CHN2: variants seen among roughly 807,000 people sequenced by gnomAD.
The protein encoded by CHN2 is beta-chimaerin.
In CHN2, 35 loss-of-function variants were observed where a neutral mutation model predicts 56.3. The ratio of observed to expected loss-of-function variants is 0.62; its 90% CI spans 0.47 to 0.82. The LOEUF (loss-of-function observed/expected upper bound fraction) is 0.82. Among genes scored for constraint, CHN2 ranks in the 40% least tolerant of loss-of-function variants. The pLI is 0.00. For missense variants in CHN2, 491 were observed against 580.5 expected (o/e 0.85, Z 1.58); for synonymous variants, 210 against 212.8 (o/e 0.99, Z 0.12).
chr7:29,263,919 TCCGGGAGCTGGGGGGCAGCCCCCGC>T (rs1422354988), intron 1 of CHN2, among the ~76,000 whole-genome samples: 1 of 149,222 alleles, frequency 6.7e-6, no homozygotes, highest in East Asian at 2.0e-4. Flanking sequence ...AGCCTCCCTG[TCCGGGAGCTGGGGGGCAGCCCCCGC>T]CCGGCCAGCC....
At chr7:29,287,329 G>A (rs1758963874) in intron 1 of CHN2, among the ~76,000 whole-genome samples, 1 of 152,204 alleles carries the variant, frequency 6.6e-6, no homozygotes, top group Admixed American at 6.5e-5. Flanking sequence ...GGAGATGGGA[G>A]ATGGAGGCAA....
chr7:29,175,974 C>A (rs1008733515), intron 2 of CHN2, among the ~76,000 whole-genome samples: 40 of 152,168 alleles, frequency 2.6e-4, no homozygotes, highest in African/African-American at 9.4e-4. Flanking sequence ...ATCACAAGGT[C>A]AGGAGATCAA....
intron 3 of CHN2, among the ~76,000 whole-genome samples, chr7:29,375,533 T>G (rs1260816487): frequency 6.6e-6 from 1 of 152,162 alleles, no homozygotes; most frequent in Admixed American, 6.5e-5. Flanking sequence ...AAAAGGTATA[T>G]TCCCTTAATT....
intron 6 of CHN2, among the ~76,000 whole-genome samples, chr7:29,424,044 G>A (rs1185876948): frequency 6.6e-6 from 1 of 152,154 alleles, no homozygotes; most frequent in Non-Finnish European, 1.5e-5. Flanking sequence ...TATAGAAATT[G>A]TTTGTTTATA....
At chr7:29,292,597 C>T (rs1792724273) in intron 1 of CHN2, among the ~76,000 whole-genome samples, 1 of 152,242 alleles carries the variant, frequency 6.6e-6, no homozygotes, top group South Asian at 2.1e-4. Context: ...TATGTATTCA[C>T]TGGCATCACT....
chr7:29,273,248 A>C (rs955143346), intron 1 of CHN2, among the ~76,000 whole-genome samples: 2 of 150,064 alleles, frequency 1.3e-5, no homozygotes, highest in South Asian at 4.2e-4. Flanking sequence ...TTCACTGTAC[A>C]TAATGTCTTC....
intron 6 of CHN2, among the ~76,000 whole-genome samples, chr7:29,444,840 G>A (rs1484218206): frequency 6.6e-6 from 1 of 152,168 alleles, no homozygotes; most frequent in African/African-American, 2.4e-5. Flanking sequence ...GAACCAAATA[G>A]GATATATGGT....
intron 2 of CHN2, among the ~76,000 whole-genome samples, chr7:29,187,663 G>A (rs1420770686): frequency 6.6e-6 from 1 of 152,076 alleles, no homozygotes; most frequent in Non-Finnish European, 1.5e-5. Context: ...GGGAGGCAGA[G>A]GTTGCAATGA....
chr7:29,196,329 C>T (rs1783709675), intron 1 of CHN2, among the ~76,000 whole-genome samples: 1 of 152,194 alleles, frequency 6.6e-6, no homozygotes, highest in Non-Finnish European at 1.5e-5. Context: ...TAATTGAAAA[C>T]ACGTTGTTGT....
intron 1 of CHN2, among the ~76,000 whole-genome samples, chr7:29,349,900 A>G (rs994306487): frequency 3.3e-5 from 5 of 152,142 alleles, no homozygotes; most frequent in South Asian, 2.1e-4. Context: ...TCCAGAACAC[A>G]TTATGCTTCA....
intron 6 of CHN2, among the ~76,000 whole-genome samples, chr7:29,423,000 T>C (rs75323643): frequency 0.013 from 1,987 of 152,368 alleles, 51 homozygotes; most frequent in African/African-American, 0.045. Context: ...ACTTGTTAAT[T>C]CTACTTCCTT....
At chr7:29,500,180 C>A in intron 9 of CHN2, 140 bp downstream of exon 9, 1 of 521,800 alleles carries the variant, frequency 1.9e-6, no homozygotes, top group Non-Finnish European at 3.2e-6. Flanking sequence ...CACACACTCT[C>A]TCTCTCTCAC....
At chr7:29,166,860 G>GA (rs1394691956) in intron 2 of CHN2, among the ~76,000 whole-genome samples, 1 of 151,640 alleles carries the variant, frequency 6.6e-6, no homozygotes, top group African/African-American at 2.4e-5. Context: ...GTACCTTCTT[G>GA]AACATTTGAA....
At chr7:29,270,530 G>A (rs1432583777) in intron 1 of CHN2, among the ~76,000 whole-genome samples, 1 of 151,118 alleles carries the variant, frequency 6.6e-6, no homozygotes, top group African/African-American at 2.4e-5. Flanking sequence ...CAGGCCTGGT[G>A]GTGCGCACTT....
chr7:29,212,553 CA>C, intron 1 of CHN2: 4 of 1,477,184 alleles, frequency 2.7e-6, no homozygotes, highest in Non-Finnish European at 2.8e-6. Flanking sequence ...AATAATGCCC[CA>C]AAAAAGGGAG....
At chr7:29,233,824 G>GTTTTTTT (rs1584812326) in intron 1 of CHN2, among the ~76,000 whole-genome samples, 1 of 81,750 alleles carries the variant, frequency 1.2e-5, no homozygotes, top group African/African-American at 4.6e-5. Context: ...CCAACACCTT[G>GTTTTTTT]ATTTTTTTTT....
intron 3 of CHN2, among the ~76,000 whole-genome samples, chr7:29,370,267 T>C (rs918506090): frequency 5.3e-5 from 8 of 152,200 alleles, no homozygotes; most frequent in Non-Finnish European, 1.0e-4. Context: ...TTTCCCCTAC[T>C]ACAGACGGTG....
chr7:29,237,964 C>T (rs1787327512), intron 1 of CHN2, among the ~76,000 whole-genome samples: 1 of 150,960 alleles, frequency 6.6e-6, no homozygotes, highest in African/African-American at 2.4e-5. Context: ...AAGTCTCTGT[C>T]ACTCCATCAT....
At chr7:29,418,213 A>T (rs1422608236) in intron 6 of CHN2, among the ~76,000 whole-genome samples, 1 of 152,226 alleles carries the variant, frequency 6.6e-6, no homozygotes, top group Non-Finnish European at 1.5e-5. Flanking sequence ...TTTCCCTCAG[A>T]TGGGATGTTT....
Sources: gnomAD v4.1 joint callset for allele counts (sites outside exome capture counted in the v4.1 genomes callset) on GRCh38, gnomAD v4.1.1 for gene constraint, MANE v1.5 for transcripts, NCBI Gene and HGNC (gene_info 2026-07-23, HGNC 2026-07-21) for gene names.